SOD3: variants seen among roughly 807,000 people sequenced by gnomAD.
The protein encoded by SOD3 is superoxide dismutase 3.
Under a neutral mutation model 2.6 loss-of-function variants are expected in SOD3, and 3 were observed. That is an observed-to-expected ratio of 1.13 (90% CI 0.52 to 2.93). The LOEUF (loss-of-function observed/expected upper bound fraction) is 2.93. SOD3 is among the 30% of genes most tolerant of loss of function. The pLI is 0.04. For missense variants in SOD3, 379 were observed against 370.4 expected (o/e 1.02, Z -0.19); for synonymous variants, 188 against 177.5 (o/e 1.06, Z -0.47).
intron 1 of SOD3, 92 bp downstream of exon 1, chr4:24,795,743 C>G (rs539616625): frequency 6.6e-6 from 1 of 152,538 alleles, no homozygotes; most frequent in East Asian, 1.9e-4. Flanking sequence ...TTCTTGGGAA[C>G]AAATTGGATC....
intron 1 of SOD3, among the ~76,000 whole-genome samples, chr4:24,796,942 G>A (rs190429124): frequency 1.3e-5 from 2 of 152,198 alleles, no homozygotes; most frequent in East Asian, 3.9e-4. Flanking sequence ...TTGATGATGG[G>A]GAACTTCATG....
At chr4:24,799,439 C>T (rs1279389413) in intron 1 of SOD3, 67 bp from the exon 2 acceptor site, 1 of 1,536,126 alleles carries the variant, frequency 6.5e-7, no homozygotes, top group Non-Finnish European at 8.7e-7. Flanking sequence ...TAATGGGGTC[C>T]CTGAGATTCT....
rs1713634107 is a variant in SOD3 at position 24,795,666 on chromosome 4, G to A, written c.-17+15G>A. The A allele has an allele frequency of 6.6e-6, 1 of 152,388 alleles. No homozygotes were observed. Among genetic ancestry groups the A allele is most frequent in the Non-Finnish European group, 1.5e-5 (1 of 68,144 alleles). The allele number at this position is 152,388 out of a possible 1,614,324, so 9.4% of individuals were successfully genotyped here. A position where few individuals can be genotyped will look rare whatever the true frequency, so the allele number is the denominator to read the frequency against. On this transcript the variant is annotated intron_variant, in intron 1 of 1. Transcript: ENST00000382120. ...GAGCTGGAAAGGTGGGTGCTAAGTTGAGGTTCATTTTGTTCTTCTCGGAGT... is the reference window on the plus strand; with the variant it reads ...GAGCTGGAAAGGTGGGTGCTAAGTTAAGGTTCATTTTGTTCTTCTCGGAGT...
rs550544971 is a variant in SOD3 at position 24,799,457 on chromosome 4, A to C, written c.-16-49A>C. ...TGGGGTCCCTGAGATTCTATGTTTC[A>C]CGTGACTAAGCCTCACTCTGCCCCC... On this transcript the variant is annotated intron_variant, in intron 1 of 1. Coordinates refer to ENST00000382120, the MANE Select transcript of SOD3 (RefSeq NM_003102.4). 8 of 1,569,276 alleles carry C rather than the reference A, an allele frequency of 5.1e-6. No homozygotes were observed. The South Asian group carries it at 6.9e-5, about 13-fold the overall frequency.
rs1192995105 is a variant in SOD3, at chr4:24,799,981, G to A, written c.460G>A (p.Gly154Ser). Residue 154 changes from glycine (G) to serine (S), a missense_variant, in exon 2 of 2, where the codon GGC becomes AGC. By Grantham distance (56) the Gly-to-Ser change is moderately conservative. Transcript: ENST00000382120. Reference protein sequence around the residue: ...GDFGNFAVRDGSLWRYRAGLA... With the variant: ...GDFGNFAVRDSSLWRYRAGLA... ...CTTCGGCAACTTCGCGGTCCGCGAC[G>A]GCAGCCTCTGGAGGTACCGCGCCGG... 1.3e-6 allele frequency: 2 copies of A among 1,582,748 alleles called. No individual in the cohort carries two copies. Among genetic ancestry groups the A allele is most frequent in the Non-Finnish European group, 1.7e-6 (2 of 1,172,776 alleles).
rs1713791031 is a variant in SOD3 at position 24,799,939 on chromosome 4, C to T, written c.418C>T (p.Pro140Ser). 1.3e-6 allele frequency: 2 copies of T among 1,594,904 alleles called. No homozygotes were observed. Among genetic ancestry groups the T allele is most frequent in the Non-Finnish European group, 1.7e-6 (2 of 1,177,304 alleles). Reference sequence around the variant, plus strand: ...CTACAACCCGCTGGCCGTGCCGCACCCGCAGCACCCGGGCGACTTCGGCAA... The same window carrying T: ...CTACAACCCGCTGGCCGTGCCGCACTCGCAGCACCCGGGCGACTTCGGCAA... ...PHYNPLAVPH[P>S]QHPGDFGNFA... The change falls in exon 2 of 2, where the codon CCG (proline) becomes TCG (serine). Residue 140 changes from proline (P) to serine (S), a missense_variant. By Grantham distance (74) the Pro-to-Ser change is moderately conservative. Transcript: ENST00000382120.
chr4:24,799,417 T>C (rs1326292587), intron 1 of SOD3, 89 bp from the exon 2 acceptor site: 1 of 1,443,954 alleles, frequency 6.9e-7, no homozygotes, highest in Non-Finnish European at 9.2e-7. Flanking sequence ...GACTGGGGGG[T>C]TGGTTCTGCG....
chr4:24,799,704 C>G lies in SOD3; in HGVS notation c.183C>G (p.Ala61=). ...QRRDDDGALH[A]ACQVQPSATL... is the part of the protein sequence containing the mutation. ...GGGACGACGACGGCGCGCTCCACGC[C>G]GCCTGCCAGGTGCAGCCGTCGGCCA... Residue 61 remains alanine (A), a synonymous_variant, in exon 2 of 2, where the codon GCC becomes GCG. Transcript: ENST00000382120. 6.4e-7 allele frequency: 1 copy of G among 1,572,614 alleles called. No individual in the cohort carries two copies. Among genetic ancestry groups the G allele is most frequent in the Non-Finnish European group, 8.6e-7 (1 of 1,164,372 alleles).
intron 1 of SOD3, 141 bp from the exon 2 acceptor site, chr4:24,799,365 G>T: frequency 1.0e-6 from 1 of 955,738 alleles, no homozygotes; most frequent in Non-Finnish European, 1.5e-6. Flanking sequence ...ACAAACGTTT[G>T]CCACATGAAG....
Position 24,799,101 on chromosome 4 carries a change from C to T in SOD3, c.-16-405C>T, listed in dbSNP as rs1157690715. Among the ~76,000 whole-genome samples, 3 of 152,086 alleles carry T rather than the reference C, an allele frequency of 2.0e-5. No homozygotes were observed. The South Asian group carries it at 6.2e-4, about 32-fold the overall frequency. ...AAGCCCCAGAAGGCAGGGACAGAAG[C>T]CTTAGGGATGTCTGTGGGGGAGGAT... On this transcript the variant is annotated intron_variant, in intron 1 of 1. Transcript: ENST00000382120.
chr4:24,800,127 C>T lies in SOD3; in HGVS notation c.606C>T (p.Gly202=). The T allele has an allele frequency of 7.3e-7, 1 of 1,377,060 alleles. No individual in the cohort carries two copies. The highest frequency in any genetic ancestry group is 3.1e-5 in the East Asian group (1 of 32,506). 85.3% of individuals were successfully genotyped at this position (1,377,060 alleles called of 1,614,324 possible). The change falls in exon 2 of 2, where the codon GGC becomes GGT. Residue 202 remains glycine, a synonymous_variant. Transcript: ENST00000382120. ...NQASVENGNA[G]RRLACCVVGV... is the part of the protein sequence containing the mutation. ...CCAGCGTGGAGAACGGGAACGCGGGCCGGCGGCTGGCCTGCTGCGTGGTGG... is the reference window on the plus strand; with the variant it reads ...CCAGCGTGGAGAACGGGAACGCGGGTCGGCGGCTGGCCTGCTGCGTGGTGG...
chr4:24,796,955 C>G (rs1341633698), intron 1 of SOD3, among the ~76,000 whole-genome samples: 1 of 152,024 alleles, frequency 6.6e-6, no homozygotes, highest in Non-Finnish European at 1.5e-5. Flanking sequence ...ACTTCATGTC[C>G]AGGTCTGGCA....
intron 1 of SOD3, among the ~76,000 whole-genome samples, chr4:24,796,275 G>T (rs1430347609): frequency 1.3e-5 from 2 of 152,060 alleles, no homozygotes; most frequent in Non-Finnish European, 2.9e-5. Context: ...AAAGGCACTT[G>T]GTCATTCACA....
rs1713756618 is a variant in SOD3, at chr4:24,799,153, G to A, written c.-16-353G>A. ...GAGGAAGAGGGTAACAGGAGACCAGGTGGGGAGATGAGGGAGGTGGTCTGG... is the reference window on the plus strand; with the variant it reads ...GAGGAAGAGGGTAACAGGAGACCAGATGGGGAGATGAGGGAGGTGGTCTGG... On this transcript the variant is annotated intron_variant, in intron 1 of 1. Coordinates refer to ENST00000382120, the MANE Select transcript of SOD3 (RefSeq NM_003102.4). Among the ~76,000 whole-genome samples the A allele has an allele frequency of 2.0e-5, 3 of 152,258 alleles. No individual in the cohort carries two copies. In the South Asian group the frequency reaches 6.2e-4, roughly 32 times the overall value.
At position 24,800,640 on chromosome 4, in the gene SOD3, G is replaced by C. The variant is rs1283593158; in HGVS notation, c.*396G>C. ...TCAGGTTCCTCCTAGGCGCTCAGAG[G>C]CCGCTCTGGGGGGTTGCCTCGAGTC... On this transcript the variant is annotated 3_prime_UTR_variant, in exon 2 of 2. Coordinates refer to ENST00000382120, the MANE Select transcript of SOD3 (RefSeq NM_003102.4). 5.8e-6 allele frequency: 1 copy of C among 171,652 alleles called. No individual in the cohort carries two copies. Among genetic ancestry groups the C allele is most frequent in the Non-Finnish European group, 1.4e-5 (1 of 72,278 alleles). The allele number at this position is 171,652 out of a possible 1,614,324, so 10.6% of individuals were successfully genotyped here. A position where few individuals can be genotyped will look rare whatever the true frequency, so the allele number is the denominator to read the frequency against.
At position 24,800,050 on chromosome 4, in the gene SOD3, G is replaced by C; in HGVS notation, c.529G>C (p.Ala177Pro). The C allele has an allele frequency of 2.0e-6, 3 of 1,470,232 alleles. No individual in the cohort carries two copies. The highest frequency in any genetic ancestry group is 2.7e-5 in the Admixed American group (1 of 37,520). The allele number at this position is 1,470,232 out of a possible 1,614,324, so 91.1% of individuals were successfully genotyped here. A position where few individuals can be genotyped will look rare whatever the true frequency, so the allele number is the denominator to read the frequency against. The change falls in exon 2 of 2, where the codon GCC becomes CCC. Residue 177 changes from alanine to proline, a missense_variant. Coordinates refer to ENST00000382120, the MANE Select transcript of SOD3 (RefSeq NM_003102.4). Reference sequence around the variant, plus strand: ...GGGCCCGCACTCCATCGTGGGCCGGGCCGTGGTCGTCCACGCTGGCGAGGA... The same window carrying C: ...GGGCCCGCACTCCATCGTGGGCCGGCCCGTGGTCGTCCACGCTGGCGAGGA... ...LAGPHSIVGRAVVVHAGEDDL... is the reference protein window; with the variant it reads ...LAGPHSIVGRPVVVHAGEDDL...
intron 1 of SOD3, among the ~76,000 whole-genome samples, chr4:24,796,970 A>G (rs1713684319): frequency 6.6e-6 from 1 of 151,990 alleles, no homozygotes; most frequent in Admixed American, 6.6e-5. Flanking sequence ...CTGGCAGGAG[A>G]GTTACCCCAC....
At chr4:24,796,496 G>A (rs1560188957) in intron 1 of SOD3, among the ~76,000 whole-genome samples, 2 of 120,104 alleles carry the variant, frequency 1.7e-5, no homozygotes, top group African/African-American at 6.2e-5. Context: ...CAGCACCCAG[G>A]CTGGAATGTA....
rs1307427758 is a variant in SOD3 at position 24,800,481 on chromosome 4, TG to T, written c.*238del. ...CTCAGTAGGTCTGAAGGCCTCCATT[TG>T]TACCGAAACACCCCGCTCACGCTGA... On this transcript the variant is annotated 3_prime_UTR_variant, in exon 2 of 2. Transcript: ENST00000382120. The T allele has an allele frequency of 5.2e-6, 2 of 386,356 alleles. No homozygotes were observed. The highest frequency in any genetic ancestry group is 9.5e-6 in the Non-Finnish European group (2 of 210,982). The allele number at this position is 386,356 out of a possible 1,614,324, so 23.9% of individuals were successfully genotyped here.
Sources: gnomAD v4.1 joint callset for allele counts (sites outside exome capture counted in the v4.1 genomes callset) on GRCh38, gnomAD v4.1.1 for gene constraint, MANE v1.5 for transcripts, NCBI Gene and HGNC (gene_info 2026-07-23, HGNC 2026-07-21) for gene names.